Variants in PCDHGA3 observed in about 807,000 individuals in gnomAD.
The protein encoded by PCDHGA3 is protocadherin gamma subfamily A, 3, also known as protocadherin gamma-A3.
PCDHGA3 carries 40 observed loss-of-function variants against 58.5 expected under a neutral mutation model. The observed-to-expected ratio is 0.68, with a 90% confidence interval of 0.53 to 0.89. The LOEUF (loss-of-function observed/expected upper bound fraction) is 0.89. Among genes scored for constraint, PCDHGA3 ranks in the 40% least tolerant of loss-of-function variants. PCDHGA3 has a pLI of 0.00. For missense variants in PCDHGA3, 1,223 were observed against 1,195.9 expected, an observed-to-expected ratio of 1.02 and a Z score of -0.33; for synonymous variants, 530 against 525.7, an observed-to-expected ratio of 1.01 and a Z score of -0.11.
At chr5:141,356,917 A>G (rs774508260) in intron 1 of PCDHGA3, 1 of 1,614,056 alleles carries the variant, frequency 6.2e-7, no homozygotes, top group East Asian at 2.2e-5. Context: ...TGATGGCTCC[A>G]CTGGTGTGGA....
At position 141,420,340 on chromosome 5, in the gene PCDHGA3, G is replaced by A. The variant is rs1405507680; in HGVS notation, c.2424+73883G>A. ...ATATGCCAATATATTCCAATATAGT[G>A]GTATTATTTTAAGATTCTAGATAAC... On this transcript the variant is annotated intron_variant, in intron 1 of 3. Transcript: ENST00000253812. The A allele has an allele frequency of 2.9e-6, 4 of 1,387,388 alleles. No homozygotes were observed. In the African/African-American group the frequency reaches 4.4e-5, roughly 15 times the overall value. 85.9% of individuals were successfully genotyped at this position (1,387,388 alleles called of 1,614,324 possible). A position where few individuals can be genotyped will look rare whatever the true frequency, so the allele number is the denominator to read the frequency against.
At chr5:141,369,451 A>G (rs1235926631) in intron 1 of PCDHGA3, among the ~76,000 whole-genome samples, 3 of 152,150 alleles carry the variant, frequency 2.0e-5, no homozygotes, top group African/African-American at 7.2e-5. Context: ...AGGATTGCTT[A>G]AAGCCAGGTG....
At chr5:141,365,307 CT>C in intron 1 of PCDHGA3, 2 of 1,613,992 alleles carry the variant, frequency 1.2e-6, no homozygotes, top group Non-Finnish European at 1.7e-6. Flanking sequence ...GATGGAGGCG[CT>C]CTTGTTGCCA....
In PCDHGA3 at chr5:141,351,577, C is replaced by T. The variant is rs529917134; in HGVS notation, c.2424+5120C>T. The T allele has an allele frequency of 8.1e-6, 13 of 1,614,028 alleles. No homozygotes were observed. The African/African-American group carries it at 1.7e-4, about 22-fold the overall frequency. ...GGACAAGCATCACCCTGCACATCTC[C>T]GACATCAACGACAATGCACCTGTTT... is the stretch of plus-strand genomic sequence containing the variant. On this transcript the variant is annotated intron_variant, in intron 1 of 3. Transcript: ENST00000253812.
intron 1 of PCDHGA3, chr5:141,408,127 G>A (rs1017651550): frequency 2.0e-6 from 3 of 1,480,258 alleles, no homozygotes; most frequent in African/African-American, 2.8e-5. Context: ...GTCCTGGGCC[G>A]AATGCTCTTT....
At position 141,477,379 on chromosome 5, in the gene PCDHGA3, A is replaced by T; in HGVS notation, c.2425-17428A>T. Reference sequence around the variant, plus strand: ...CAGACCTGGATCGGGAGACTGTGCCAGAATACAACCTCAGCATCACCGCCC... The same window carrying T: ...CAGACCTGGATCGGGAGACTGTGCCTGAATACAACCTCAGCATCACCGCCC... On this transcript the variant is annotated intron_variant, in intron 1 of 3. Transcript: ENST00000253812. The surrounding 1 kb of genome is among the most constrained non-coding windows in gnomAD (Gnocchi z 4.9). 1.2e-6 allele frequency: 2 copies of T among 1,614,184 alleles called. No individual in the cohort carries two copies. The highest frequency in any genetic ancestry group is 1.7e-6 in the Non-Finnish European group (2 of 1,180,034).
At chr5:141,427,970 C>G in intron 1 of PCDHGA3, 1 of 1,592,510 alleles carries the variant, frequency 6.3e-7, no homozygotes. Context: ...GGGTGCTGTA[C>G]CCCGCGCTGG....
chr5:141,482,890 G>C (rs577635020), intron 1 of PCDHGA3, among the ~76,000 whole-genome samples: 10 of 152,274 alleles, frequency 6.6e-5, no homozygotes, highest in African/African-American at 2.4e-4. Flanking sequence ...TGGCCAACAT[G>C]GTGAAACCTC....
chr5:141,416,449 G>A (rs938389094), intron 1 of PCDHGA3: 1 of 152,138 alleles, frequency 6.6e-6, no homozygotes, highest in Non-Finnish European at 1.5e-5. Context: ...AATATGGGTT[G>A]GGAAGACAGA....
chr5:141,408,448 G>A, intron 1 of PCDHGA3: 4 of 1,614,054 alleles, frequency 2.5e-6, no homozygotes, highest in Non-Finnish European at 2.5e-6. Context: ...CGGAGAGCGG[G>A]GACTTACTTG....
Position 141,476,657 on chromosome 5 carries a change from G to A in PCDHGA3, c.2425-18150G>A, listed in dbSNP as rs759887729. On this transcript the variant is annotated intron_variant, in intron 1 of 3. Coordinates refer to ENST00000253812, the MANE Select transcript of PCDHGA3 (RefSeq NM_018916.4). This position sits in a 1 kb window ranked among gnomAD's most constrained non-coding sequence, Gnocchi z 7.6. ...TGAGCTGAGCCGAAATGAATACTTTGCGCTTCGCGTGCAGACGCGGGAGGA... is the reference window on the plus strand; with the variant it reads ...TGAGCTGAGCCGAAATGAATACTTTACGCTTCGCGTGCAGACGCGGGAGGA... 1.9e-6 allele frequency: 3 copies of A among 1,614,140 alleles called. No homozygotes were observed. Among genetic ancestry groups the A allele is most frequent in the Non-Finnish European group, 2.5e-6 (3 of 1,180,060 alleles).
chr5:141,409,912 C>T (rs775668669), intron 1 of PCDHGA3: 5 of 1,613,180 alleles, frequency 3.1e-6, no homozygotes, highest in Non-Finnish European at 2.5e-6. Context: ...TGGGTCCTGA[C>T]GGCTCCGCGT....
In PCDHGA3 at chr5:141,491,797, G is replaced by T. The variant is rs537755017; in HGVS notation, c.2425-3010G>T. The stretch of plus-strand genomic sequence containing the variant: ...ATTGAACTTGCATCCACTCCTCTCC[G>T]GCCGGCTTGGTCGCTGGCTGCGCTC... On this transcript the variant is annotated intron_variant, in intron 1 of 3. Coordinates refer to ENST00000253812, the MANE Select transcript of PCDHGA3 (RefSeq NM_018916.4). The surrounding 1 kb of genome is among the most constrained non-coding windows in gnomAD (Gnocchi z 6.9). 2.0e-6 allele frequency: 3 copies of T among 1,506,818 alleles called. No homozygotes were observed. The highest frequency in any genetic ancestry group is 2.4e-5 in the Admixed American group (1 of 41,734). 93.3% of individuals were successfully genotyped at this position (1,506,818 alleles called of 1,614,324 possible). A position where few individuals can be genotyped will look rare whatever the true frequency, so the allele number is the denominator to read the frequency against.
In PCDHGA3 at chr5:141,476,432, G is replaced by T; in HGVS notation, c.2425-18375G>T. 6.2e-7 allele frequency: 1 copy of T among 1,614,116 alleles called. No individual in the cohort carries two copies. The highest frequency in any genetic ancestry group is 8.5e-7 in the Non-Finnish European group (1 of 1,180,028). ...GTGTGGGACACTGCCCTCTTGCACT[G>T]TAACTCTGGAGTTGGTAGTGGAGAA... On this transcript the variant is annotated intron_variant, in intron 1 of 3. Coordinates refer to ENST00000253812, the MANE Select transcript of PCDHGA3 (RefSeq NM_018916.4). The surrounding 1 kb of genome is among the most constrained non-coding windows in gnomAD (Gnocchi z 7.6).
intron 1 of PCDHGA3, chr5:141,356,234 C>A: frequency 1.9e-6 from 3 of 1,587,274 alleles, no homozygotes; most frequent in South Asian, 1.1e-5. Context: ...GACAACGCAC[C>A]AGAAGTCACA....
At chr5:141,394,150 A>G in intron 1 of PCDHGA3, 3 of 1,613,916 alleles carry the variant, frequency 1.9e-6, no homozygotes, top group East Asian at 2.2e-5. Context: ...GCAGACATTA[A>G]CGACAACCCT....
At position 141,512,348 on chromosome 5, in the gene PCDHGA3, G is replaced by C. The variant is rs1172891268; in HGVS notation, c.*1175G>C. 4 of 152,886 alleles carry C rather than the reference G, an allele frequency of 2.6e-5. No homozygotes were observed. The highest frequency in any genetic ancestry group is 9.6e-5 in the African/African-American group (4 of 41,462). The allele number at this position is 152,886 out of a possible 1,614,324, so 9.5% of individuals were successfully genotyped here. A position where few individuals can be genotyped will look rare whatever the true frequency, so the allele number is the denominator to read the frequency against. ...GGCCATTCTTAGTCCCTGGGTTGGG[G>C]AGGCAGGGAGCTAGGGCAGGGACCA... On this transcript the variant is annotated 3_prime_UTR_variant, in exon 4 of 4. Transcript: ENST00000253812.
chr5:141,353,442 C>T (rs114046983), intron 1 of PCDHGA3, among the ~76,000 whole-genome samples: 529 of 152,194 alleles, frequency 3.5e-3, no homozygotes, highest in Middle Eastern at 6.8e-3. Context: ...TTTGCAGCAA[C>T]ATGTATGTTT....
At position 141,486,538 on chromosome 5, in the gene PCDHGA3, C is replaced by A; in HGVS notation, c.2425-8269C>A. 1 of 1,614,150 alleles carries A rather than the reference C, an allele frequency of 6.2e-7. No individual in the cohort carries two copies. Among genetic ancestry groups the A allele is most frequent in the Non-Finnish European group, 8.5e-7 (1 of 1,180,038 alleles). ...ATGTGAATGATAATCCACCCTCTTTCTTTCAGAGGTCACATGAGGTGTTTG... is the reference window on the plus strand; with the variant it reads ...ATGTGAATGATAATCCACCCTCTTTATTTCAGAGGTCACATGAGGTGTTTG... On this transcript the variant is annotated intron_variant, in intron 1 of 3. Coordinates refer to ENST00000253812, the MANE Select transcript of PCDHGA3 (RefSeq NM_018916.4). This position sits in a 1 kb window ranked among gnomAD's most constrained non-coding sequence, Gnocchi z 5.0.
Sources: gnomAD v4.1 joint callset for allele counts (sites outside exome capture counted in the v4.1 genomes callset) on GRCh38, gnomAD v4.1.1 for gene constraint, Gnocchi (gnomAD v3.1) non-coding constraint, MANE v1.5 for transcripts, NCBI Gene and HGNC (gene_info 2026-07-23, HGNC 2026-07-21) for gene names.